LRRD1: variants seen among roughly 807,000 people sequenced by gnomAD.
LRRD1 encodes the protein leucine rich repeats and death domain containing 1.
Under a neutral mutation model 69.5 loss-of-function variants are expected in LRRD1, and 49 were observed. The ratio of observed to expected loss-of-function variants is 0.70; its 90% CI spans 0.56 to 0.89. The LOEUF is 0.89. Among genes scored for constraint, LRRD1 ranks in the 40% least tolerant of loss-of-function variants. The pLI, the probability that LRRD1 is intolerant of heterozygous loss-of-function variation, is 0.00. For missense variants in LRRD1, 853 were observed against 956.0 expected, an observed-to-expected ratio of 0.89 and a Z score of 1.42; for synonymous variants, 303 against 338.9, an observed-to-expected ratio of 0.89 and a Z score of 1.16.
At chr7:92,160,871 AG>A (rs1455573148) in intron 2 of LRRD1, among the ~76,000 whole-genome samples, 5 of 152,146 alleles carry the variant, frequency 3.3e-5, no homozygotes, top group Non-Finnish European at 7.4e-5. Flanking sequence ...AGGACACTTA[AG>A]GCAAGATAAA....
intron 5 of LRRD1, among the ~76,000 whole-genome samples, chr7:92,145,630 G>A (rs1226914826): frequency 1.3e-5 from 2 of 151,728 alleles, no homozygotes; most frequent in Non-Finnish European, 2.9e-5. Flanking sequence ...TAGTAGAGGC[G>A]GGGTTTCACC....
Position 92,175,405 on chromosome 7 carries a change from A to T in LRRD1, c.-75+3602T>A, listed in dbSNP as rs191711462. The stretch of plus-strand genomic sequence containing the variant: ...GCTCATGCCTGCAATCCCAGCACTT[A>T]GGGAGGCCAGGGCAGTTGGATCACC... On this transcript the variant is annotated intron_variant, in intron 1 of 5. Transcript: ENST00000458448. 1.9e-3 allele frequency among the ~76,000 whole-genome samples: 291 copies of T among 152,186 alleles called. 3 individuals carry two copies. The highest frequency in any genetic ancestry group is 6.5e-3 in the African/African-American group (268 of 41,522).
chr7:92,142,611 T>C (rs1366620091), downstream of LRRD1: 10 of 437,334 alleles, frequency 2.3e-5, no homozygotes, highest in Non-Finnish European at 4.1e-5. Context: ...ACGGTCAGTG[T>C]TACAGCTCTT....
At chr7:92,148,088 G>A (rs554235009) in intron 4 of LRRD1, among the ~76,000 whole-genome samples, 4 of 152,100 alleles carry the variant, frequency 2.6e-5, no homozygotes, top group South Asian at 2.1e-4. Context: ...CTACAGGCAC[G>A]TGCCACCATG....
In LRRD1 at chr7:92,163,574, G is replaced by T. The variant is rs2131007141; in HGVS notation, c.1629C>A (p.Asn543Lys). 3.3e-6 allele frequency: 5 copies of T among 1,531,860 alleles called. No homozygotes were observed. Among genetic ancestry groups the T allele is most frequent in the Non-Finnish European group, 4.4e-6 (5 of 1,141,036 alleles). 94.9% of individuals were successfully genotyped at this position (1,531,860 alleles called of 1,614,324 possible). ...TTGATGCTGGAATTTTCTTTATTTG[G>T]TTTTTACCAAGATCCAGGTATTTAA... ...INLKYLDLGK[N>K]QIKKIPASIS... Residue 543 changes from asparagine (N) to lysine (K), a missense_variant, in exon 2 of 6, where the codon AAC becomes AAA. This residue lies in a region of LRRD1 where 739 missense variants were observed against 808.0 expected (regional missense o/e 0.91). Coordinates refer to ENST00000458448, the MANE Select transcript of LRRD1 (RefSeq NM_001161528.2).
intron 1 of LRRD1, among the ~76,000 whole-genome samples, chr7:92,174,491 ATATATATATATATATATATTTTT>A (rs1218692030): frequency 3.9e-4 from 6 of 15,570 alleles, no homozygotes; most frequent in Non-Finnish European, 8.7e-4. Context: ...ATATATATAT[ATATATATATATATATATATTTTT>A]TTTTTTTTTT....
chr7:92,164,052 A>G lies in LRRD1; in HGVS notation c.1151T>C (p.Leu384Ser). The change falls in exon 2 of 6, where the codon TTG (leucine) becomes TCG (serine). Residue 384 changes from leucine to serine, a missense_variant. This residue lies in a region of LRRD1 where 739 missense variants were observed against 808.0 expected (regional missense o/e 0.91). Transcript: ENST00000458448. Reference sequence around the variant, plus strand: ...AGATATTTTCTCTGGTATATTTTTCAATAAATTTTTATCAAGTATAAGAAT... The same window carrying G: ...AGATATTTTCTCTGGTATATTTTTCGATAAATTTTTATCAAGTATAAGAAT... ...LRILILDKNLLKNIPEKISCC... is the reference protein window; with the variant it reads ...LRILILDKNLSKNIPEKISCC... 6.5e-7 allele frequency: 1 copy of G among 1,541,074 alleles called. No individual in the cohort carries two copies. Among genetic ancestry groups the G allele is most frequent in the Non-Finnish European group, 8.7e-7 (1 of 1,143,486 alleles).
At chr7:92,143,714 C>T (rs552974186), downstream of LRRD1, among the ~76,000 whole-genome samples, 5 of 152,328 alleles carry the variant, frequency 3.3e-5, no homozygotes, top group East Asian at 9.7e-4. Flanking sequence ...TCCCTGCACA[C>T]ATGCCTGCAA....
At chr7:92,161,235 T>G (rs1196227737) in intron 2 of LRRD1, among the ~76,000 whole-genome samples, 1 of 152,280 alleles carries the variant, frequency 6.6e-6, no homozygotes, top group East Asian at 1.9e-4. Flanking sequence ...CCATCTGCTA[T>G]TATATAAGTT....
intron 1 of LRRD1, among the ~76,000 whole-genome samples, chr7:92,165,644 T>C (rs1373411650): frequency 1.3e-5 from 2 of 151,986 alleles, no homozygotes; most frequent in Admixed American, 6.6e-5. Context: ...CGGATCACTT[T>C]AGGTCAGGAG....
intron 3 of LRRD1, among the ~76,000 whole-genome samples, chr7:92,151,547 A>G (rs1188042591): frequency 5.3e-5 from 8 of 152,174 alleles, no homozygotes. Context: ...TCCATACTCT[A>G]TTCTTTGGAA....
At chr7:92,163,173 T>C (rs1476501461) in intron 2 of LRRD1, 113 bp downstream of exon 2, 1 of 632,654 alleles carries the variant, frequency 1.6e-6, no homozygotes, top group Non-Finnish European at 2.4e-6. Flanking sequence ...AAAAACAAAA[T>C]ATTTCAGCTC....
At chr7:92,160,977 G>T (rs946232618) in intron 2 of LRRD1, among the ~76,000 whole-genome samples, 1 of 152,176 alleles carries the variant, frequency 6.6e-6, no homozygotes, top group African/African-American at 2.4e-5. Flanking sequence ...CATGGAACCA[G>T]GCTATGGCAA....
chr7:92,171,885 T>C (rs899531287), intron 1 of LRRD1, among the ~76,000 whole-genome samples: 1 of 152,220 alleles, frequency 6.6e-6, no homozygotes, highest in African/African-American at 2.4e-5. Context: ...TCAATAAACA[T>C]GATACATCAC....
downstream of LRRD1, chr7:92,142,486 T>G (rs1166310695): frequency 2.2e-6 from 1 of 456,766 alleles, no homozygotes; most frequent in Admixed American, 2.3e-5. Flanking sequence ...GCATCTTCCA[T>G]AGTAGCTCTG....
downstream of LRRD1, among the ~76,000 whole-genome samples, chr7:92,144,082 C>G (rs1297431926): frequency 6.6e-6 from 1 of 152,184 alleles, no homozygotes; most frequent in African/African-American, 2.4e-5. Flanking sequence ...GACAAGACAA[C>G]AGATGGCCAC....
chr7:92,147,287 C>G (rs1820352231), intron 4 of LRRD1, among the ~76,000 whole-genome samples: 1 of 152,070 alleles, frequency 6.6e-6, no homozygotes, highest in Admixed American at 6.5e-5. Context: ...AGGCTGGTCT[C>G]GAACTCCTGA....
At chr7:92,159,258 C>G in intron 2 of LRRD1, 55 bp from the exon 3 acceptor site, 1 of 1,105,002 alleles carries the variant, frequency 9.0e-7, no homozygotes, top group Non-Finnish European at 1.2e-6. Context: ...ATTTGCATGA[C>G]TAAAACTTCT....
chr7:92,159,275 A>C, intron 2 of LRRD1, 72 bp from the exon 3 acceptor site: 1 of 1,019,510 alleles, frequency 9.8e-7, no homozygotes, highest in East Asian at 3.2e-5. Context: ...TTCTTCTAAA[A>C]TCAAATGAAA....
Sources: gnomAD v4.1 joint callset for allele counts (sites outside exome capture counted in the v4.1 genomes callset) on GRCh38, gnomAD v4.1.1 for gene constraint, gnomAD v4.1.1 regional missense constraint, MANE v1.5 for transcripts, NCBI Gene and HGNC (gene_info 2026-07-23, HGNC 2026-07-21) for gene names.